The following TRABD2B variants were observed in gnomAD, a reference collection of about 807,000 sequenced individuals.
TRABD2B encodes TraB domain containing 2B, also known as metalloprotease TIKI2.
TRABD2B carries 14 observed loss-of-function variants against 40.1 expected under a neutral mutation model. The ratio of observed to expected loss-of-function variants is 0.35; its 90% CI spans 0.23 to 0.55. The LOEUF (loss-of-function observed/expected upper bound fraction) is 0.55, where lower values mean the gene tolerates loss of function less well. Among genes scored for constraint, TRABD2B ranks in the 20% least tolerant of loss-of-function variants. The pLI is 0.90. For synonymous variants in TRABD2B, 263 were observed against 277.0 expected (o/e 0.95, Z 0.50); for missense variants, 541 against 648.6 (o/e 0.83, Z 1.80).
intron 2 of TRABD2B, among the ~76,000 whole-genome samples, chr1:47,977,184 T>C (rs1249365912): frequency 6.6e-6 from 1 of 152,020 alleles, no homozygotes; most frequent in African/African-American, 2.4e-5. Context: ...GTGATGCTTA[T>C]GCCTCAGCCT....
chr1:47,926,815 C>G (rs1268481347), intron 2 of TRABD2B, among the ~76,000 whole-genome samples: 1 of 152,176 alleles, frequency 6.6e-6, no homozygotes, highest in Non-Finnish European at 1.5e-5. Context: ...CCCTTCCTCT[C>G]CAGCACACCC....
chr1:47,965,210 GT>G (rs1557684227), intron 2 of TRABD2B, among the ~76,000 whole-genome samples: 17 of 88,998 alleles, frequency 1.9e-4, no homozygotes, highest in African/African-American at 3.6e-4. Context: ...GCGGGGGGGG[GT>G]GGAGGGGGGG....
At chr1:47,871,456 C>T (rs1159399027) in intron 2 of TRABD2B, among the ~76,000 whole-genome samples, 4 of 152,192 alleles carry the variant, frequency 2.6e-5, no homozygotes, top group Admixed American at 6.5e-5. Flanking sequence ...CACAGCCACC[C>T]CGCCACACGT....
At chr1:47,817,824 C>T (rs1365304960) in intron 2 of TRABD2B, among the ~76,000 whole-genome samples, 2 of 152,214 alleles carry the variant, frequency 1.3e-5, no homozygotes, top group Non-Finnish European at 2.9e-5. Context: ...TCCAGAGCCG[C>T]TCTCAGGGGC....
intron 2 of TRABD2B, among the ~76,000 whole-genome samples, chr1:47,934,584 A>C (rs1375198614): frequency 1.3e-5 from 2 of 152,138 alleles, no homozygotes; most frequent in Admixed American, 6.5e-5. Flanking sequence ...GTGCTGTTGT[A>C]ATTTATTGTT....
chr1:47,952,356 C>A (rs765581250), intron 2 of TRABD2B, among the ~76,000 whole-genome samples: 1 of 152,208 alleles, frequency 6.6e-6, no homozygotes, highest in East Asian at 1.9e-4. Context: ...CTTCTTACAG[C>A]CTCTGCTGCC....
chr1:47,897,982 T>TA (rs1410004658), intron 2 of TRABD2B, among the ~76,000 whole-genome samples: 1 of 152,282 alleles, frequency 6.6e-6, no homozygotes, highest in African/African-American at 2.4e-5. Flanking sequence ...TTTTATCCTA[T>TA]AAGAATTTTC....
At chr1:47,951,131 C>G (rs1645337203) in intron 2 of TRABD2B, among the ~76,000 whole-genome samples, 1 of 152,204 alleles carries the variant, frequency 6.6e-6, no homozygotes, top group Non-Finnish European at 1.5e-5. Flanking sequence ...CAGGCGTCGA[C>G]TCTCCTTTCC....
chr1:47,783,068 A>G (rs1644547795), intron 4 of TRABD2B, among the ~76,000 whole-genome samples: 1 of 152,200 alleles, frequency 6.6e-6, no homozygotes, highest in South Asian at 2.1e-4. Flanking sequence ...AGCCATGCAG[A>G]CAAAGAGAGG....
At chr1:47,850,892 C>T (rs139313507) in intron 2 of TRABD2B, among the ~76,000 whole-genome samples, 22 of 152,330 alleles carry the variant, frequency 1.4e-4, no homozygotes, top group African/African-American at 4.8e-4. Context: ...CACTTCAGAT[C>T]ATCAGACCTT....
chr1:47,802,220 C>G (rs1263726054), intron 2 of TRABD2B, among the ~76,000 whole-genome samples: 1 of 151,770 alleles, frequency 6.6e-6, no homozygotes, highest in Non-Finnish European at 1.5e-5. Flanking sequence ...CTGTGGGCAT[C>G]AGGATCACTG....
At chr1:47,893,566 C>T (rs565321443) in intron 2 of TRABD2B, among the ~76,000 whole-genome samples, 3 of 152,274 alleles carry the variant, frequency 2.0e-5, no homozygotes, top group East Asian at 1.9e-4. Flanking sequence ...ATGCTCTTAG[C>T]GCACCTTGCC....
At chr1:47,936,094 C>T (rs1275299664) in intron 2 of TRABD2B, among the ~76,000 whole-genome samples, 1 of 152,218 alleles carries the variant, frequency 6.6e-6, no homozygotes, top group African/African-American at 2.4e-5. Context: ...GACTCAGGAA[C>T]TATGAGGTCT....
intron 2 of TRABD2B, among the ~76,000 whole-genome samples, chr1:47,898,940 C>CTCAT (rs993020516): frequency 8.1e-4 from 124 of 152,278 alleles, no homozygotes; most frequent in Middle Eastern, 3.4e-3. Context: ...GACTCATTCA[C>CTCAT]TCATTCATTC....
intron 2 of TRABD2B, among the ~76,000 whole-genome samples, chr1:47,964,521 C>T (rs1645570065): frequency 6.6e-6 from 1 of 152,138 alleles, no homozygotes; most frequent in African/African-American, 2.4e-5. Flanking sequence ...CAAACCACAT[C>T]CCTGTCCCAA....
At chr1:47,814,622 G>T (rs1328293299) in intron 2 of TRABD2B, among the ~76,000 whole-genome samples, 3 of 152,128 alleles carry the variant, frequency 2.0e-5, no homozygotes, top group African/African-American at 2.4e-5. Flanking sequence ...TTTGAATCTG[G>T]GCCCTCCCCA....
chr1:47,778,421 G>A (rs981756542), intron 5 of TRABD2B, 33 bp downstream of exon 5: 2 of 1,490,008 alleles, frequency 1.3e-6, no homozygotes, highest in Non-Finnish European at 1.8e-6. Flanking sequence ...GGCAGGGTCA[G>A]TGAGGGCCAA....
intron 2 of TRABD2B, among the ~76,000 whole-genome samples, chr1:47,963,619 T>C (rs1645554447): frequency 1.3e-5 from 2 of 152,316 alleles, no homozygotes; most frequent in South Asian, 2.1e-4. Flanking sequence ...TAAACGGCCT[T>C]TGAACATTTG....
At chr1:47,770,111 G>A (rs995917047) in intron 6 of TRABD2B, among the ~76,000 whole-genome samples, 1 of 152,148 alleles carries the variant, frequency 6.6e-6, no homozygotes, top group African/African-American at 2.4e-5. Flanking sequence ...CCTTCTTGCC[G>A]GTACAAGGGG....
Sources: gnomAD v4.1 joint callset for allele counts (sites outside exome capture counted in the v4.1 genomes callset) on GRCh38, gnomAD v4.1.1 for gene constraint, MANE v1.5 for transcripts, NCBI Gene and HGNC (gene_info 2026-07-23, HGNC 2026-07-21) for gene names.